Variants in WASF2 observed in about 807,000 individuals in gnomAD.
WASF2 encodes WASP family member 2.
Under a neutral mutation model 45.0 loss-of-function variants are expected in WASF2, and 14 were observed. The ratio of observed to expected loss-of-function variants is 0.31; its 90% CI spans 0.21 to 0.49. The LOEUF (loss-of-function observed/expected upper bound fraction) is 0.49, where lower values mean the gene tolerates loss of function less well. Among genes scored for constraint, WASF2 ranks in the 20% least tolerant of loss-of-function variants. The probability of loss-of-function intolerance (pLI) is 0.99; values close to 1 mark genes in which losing one functional copy is unlikely to be tolerated. For missense variants in WASF2, 439 were observed against 636.1 expected (o/e 0.69, Z 3.33); for synonymous variants, 200 against 236.3 (o/e 0.85, Z 1.41).
intron 1 of WASF2, among the ~76,000 whole-genome samples, chr1:27,429,631 G>T (rs1186462182): frequency 6.6e-6 from 1 of 151,898 alleles, no homozygotes; most frequent in Non-Finnish European, 1.5e-5. Context: ...CAAAAAATTG[G>T]CCAGGCGTGT....
intron 1 of WASF2, among the ~76,000 whole-genome samples, chr1:27,483,860 AGAG>A (rs989192876): frequency 6.6e-6 from 1 of 151,700 alleles, no homozygotes; most frequent in African/African-American, 2.4e-5. Context: ...GGCTAAGGCA[AGAG>A]GAGGACTGCT....
intron 1 of WASF2, among the ~76,000 whole-genome samples, chr1:27,439,300 C>T (rs943710281): frequency 6.6e-6 from 1 of 151,882 alleles, no homozygotes; most frequent in Non-Finnish European, 1.5e-5. Context: ...ATTAAAACAA[C>T]AGTAGTAGTA....
chr1:27,411,875 A>G (rs1403602338), intron 7 of WASF2, among the ~76,000 whole-genome samples: 2 of 152,216 alleles, frequency 1.3e-5, no homozygotes, highest in Non-Finnish European at 2.9e-5. Flanking sequence ...AAATAAATAA[A>G]TAAGTAAATA....
intron 1 of WASF2, among the ~76,000 whole-genome samples, chr1:27,483,798 A>C (rs1469917359): frequency 1.3e-5 from 2 of 151,610 alleles, no homozygotes; most frequent in Non-Finnish European, 2.9e-5. Context: ...TAAAAAATTT[A>C]ACAAATTGGG....
chr1:27,475,321 C>T (rs1033534564), intron 1 of WASF2, among the ~76,000 whole-genome samples: 15 of 152,128 alleles, frequency 9.9e-5, no homozygotes, highest in South Asian at 4.1e-4. Flanking sequence ...ACCCATCTCT[C>T]CAATCACATA....
intron 1 of WASF2, among the ~76,000 whole-genome samples, chr1:27,455,581 C>CCA (rs2017456168): frequency 6.6e-6 from 1 of 152,208 alleles, no homozygotes; most frequent in Non-Finnish European, 1.5e-5. Context: ...TCATCTCTGG[C>CCA]CACACCTTTC....
At chr1:27,419,166 G>A (rs916215650) in intron 2 of WASF2, 78 bp from the exon 3 acceptor site, 35 of 1,546,136 alleles carry the variant, frequency 2.3e-5, no homozygotes, top group South Asian at 4.5e-5. Flanking sequence ...ACTAAAGATC[G>A]TGTTCCCTAA....
At chr1:27,455,999 T>C (rs2017461204) in intron 1 of WASF2, among the ~76,000 whole-genome samples, 1 of 152,134 alleles carries the variant, frequency 6.6e-6, no homozygotes, top group South Asian at 2.1e-4. Flanking sequence ...AAGATGAACA[T>C]AAATCTACTG....
chr1:27,422,867 G>T (rs545567052), intron 2 of WASF2, among the ~76,000 whole-genome samples: 1 of 151,728 alleles, frequency 6.6e-6, no homozygotes, highest in African/African-American at 2.4e-5. Context: ...GGCCAGACAC[G>T]GTGGCTCATG....
intron 8 of WASF2, 85 bp from the exon 9 acceptor site, chr1:27,408,431 C>T (rs2016710304): frequency 6.5e-7 from 1 of 1,546,154 alleles, no homozygotes; most frequent in Non-Finnish European, 8.8e-7. Context: ...GAGTGGCCAC[C>T]AATGGGTAAG....
intron 1 of WASF2, among the ~76,000 whole-genome samples, chr1:27,471,576 C>T (rs561314172): frequency 2.0e-5 from 3 of 152,044 alleles, no homozygotes; most frequent in East Asian, 1.9e-4. Flanking sequence ...TGCAGAAAGC[C>T]GAGATGGCGC....
intron 7 of WASF2, 56 bp downstream of exon 7, chr1:27,412,516 T>C: frequency 6.2e-7 from 1 of 1,605,014 alleles, no homozygotes; most frequent in Non-Finnish European, 8.5e-7. Flanking sequence ...TGGTCCATTC[T>C]TTTGTTCTCA....
chr1:27,456,461 T>C (rs2017469350), intron 1 of WASF2, among the ~76,000 whole-genome samples: 1 of 151,928 alleles, frequency 6.6e-6, no homozygotes, highest in Non-Finnish European at 1.5e-5. Flanking sequence ...TGGGTCCCCT[T>C]AGTAGAGGTC....
intron 1 of WASF2, among the ~76,000 whole-genome samples, chr1:27,430,728 G>A (rs1402004089): frequency 1.3e-5 from 2 of 151,168 alleles, no homozygotes; most frequent in East Asian, 1.9e-4. Context: ...ATTCTTGACC[G>A]CCTTGCTCAA....
At chr1:27,476,309 C>A (rs776948804) in intron 1 of WASF2, among the ~76,000 whole-genome samples, 3 of 152,148 alleles carry the variant, frequency 2.0e-5, no homozygotes, top group Non-Finnish European at 4.4e-5. Context: ...GTACAGGAAA[C>A]AGTGCCAGCA....
chr1:27,450,404 T>C (rs115937032), intron 1 of WASF2, among the ~76,000 whole-genome samples: 45 of 152,288 alleles, frequency 3.0e-4, no homozygotes, highest in African/African-American at 1.0e-3. Flanking sequence ...AGACCCTGAA[T>C]CTCCCAAACC....
rs2016702809 is a variant in WASF2 at position 27,407,987 on chromosome 1, C to T, written c.*202G>A. 3.7e-6 allele frequency: 2 copies of T among 545,500 alleles called. No individual in the cohort carries two copies. Among genetic ancestry groups the T allele is most frequent in the African/African-American group, 3.9e-5 (2 of 51,892 alleles). The allele number at this position is 545,500 out of a possible 1,614,324, so 33.8% of individuals were successfully genotyped here. On this transcript the variant is annotated 3_prime_UTR_variant, in exon 9 of 9. Coordinates refer to ENST00000618852, the MANE Select transcript of WASF2 (RefSeq NM_006990.5). ...CAGCTACTGAACCTCAGGAGCCCCA[C>T]AGGGCCTGAAAATGGGGAGAGGAAA...
At chr1:27,432,230 A>G (rs2017074487) in intron 1 of WASF2, among the ~76,000 whole-genome samples, 1 of 152,272 alleles carries the variant, frequency 6.6e-6, no homozygotes, top group East Asian at 1.9e-4. Context: ...GGCTTTATGG[A>G]GTCGACACAT....
chr1:27,466,073 C>T (rs2017607921), intron 1 of WASF2, among the ~76,000 whole-genome samples: 1 of 152,192 alleles, frequency 6.6e-6, no homozygotes, highest in Non-Finnish European at 1.5e-5. Flanking sequence ...TAAAAAGTCA[C>T]TGGTCCTCTC....
Sources: gnomAD v4.1 joint callset for allele counts (sites outside exome capture counted in the v4.1 genomes callset) on GRCh38, gnomAD v4.1.1 for gene constraint, MANE v1.5 for transcripts, NCBI Gene and HGNC (gene_info 2026-07-23, HGNC 2026-07-21) for gene names.